NALF1: variants seen among roughly 807,000 people sequenced by gnomAD.
The protein encoded by NALF1 is family with sequence similarity 155 member A.
NALF1 carries 3 observed loss-of-function variants against 48.4 expected under a neutral mutation model. The ratio of observed to expected loss-of-function variants is 0.06; its 90% CI spans 0.03 to 0.16. The LOEUF is 0.16. Among genes scored for constraint, NALF1 ranks in the 10% least tolerant of loss-of-function variants. NALF1 has a pLI of 1.00. For missense variants in NALF1, 526 were observed against 571.5 expected (o/e 0.92, Z 0.81); for synonymous variants, 262 against 245.7 (o/e 1.07, Z -0.62).
chr13:107,175,749 G>C (rs762080738), intron 2 of NALF1, among the ~76,000 whole-genome samples: 18 of 152,150 alleles, frequency 1.2e-4, no homozygotes, highest in Non-Finnish European at 2.6e-4. Flanking sequence ...GGACCTGGGG[G>C]CACAGACTCC....
chr13:107,291,962 TA>T, intron 1 of NALF1, among the ~76,000 whole-genome samples: 1 of 152,316 alleles, frequency 6.6e-6, no homozygotes, highest in Admixed American at 6.5e-5. Flanking sequence ...ATAAGTGACA[TA>T]AAATATCCTG....
intron 1 of NALF1, among the ~76,000 whole-genome samples, chr13:107,826,782 G>A (rs1453329081): frequency 6.6e-6 from 1 of 152,172 alleles, no homozygotes; most frequent in East Asian, 1.9e-4. Flanking sequence ...TCACTTCCTT[G>A]TTTACATGAC....
intron 1 of NALF1, among the ~76,000 whole-genome samples, chr13:107,593,247 C>A (rs903358623): frequency 1.3e-5 from 2 of 151,828 alleles, no homozygotes; most frequent in Non-Finnish European, 2.9e-5. Flanking sequence ...TCTAAAACAT[C>A]TTATTTTATG....
At chr13:107,401,212 G>C (rs930600294) in intron 1 of NALF1, among the ~76,000 whole-genome samples, 2 of 152,240 alleles carry the variant, frequency 1.3e-5, no homozygotes, top group Middle Eastern at 3.4e-3. Context: ...TTTGTCTAAT[G>C]TGTTCTCACT....
chr13:107,523,115 A>T lies in NALF1; in HGVS notation c.916-312360T>A, dbSNP rs184870217. ...GGAGATGGATGTCAGAGGATTAAGG[A>T]GAAGAACTAATGAGGTCATTCTGAA... is the stretch of plus-strand genomic sequence containing the variant. On this transcript the variant is annotated intron_variant, in intron 1 of 2. Transcript: ENST00000375915. 3.9e-4 allele frequency among the ~76,000 whole-genome samples: 59 copies of T among 152,240 alleles called. 1 individual carries two copies. The highest frequency in any genetic ancestry group is 1.1e-3 in the African/African-American group (47 of 41,534).
chr13:107,634,635 G>A (rs577706584), intron 1 of NALF1, among the ~76,000 whole-genome samples: 6 of 152,072 alleles, frequency 3.9e-5, no homozygotes, highest in Non-Finnish European at 7.4e-5. Flanking sequence ...AATGGGAAAT[G>A]ATATGAAAAC....
chr13:107,504,770 C>A (rs1219008767), intron 1 of NALF1, among the ~76,000 whole-genome samples: 1 of 152,182 alleles, frequency 6.6e-6, no homozygotes, highest in Admixed American at 6.5e-5. Context: ...GCCATCATTG[C>A]ATCTGCTGCC....
At chr13:107,523,505 A>G (rs1423037384) in intron 1 of NALF1, among the ~76,000 whole-genome samples, 1 of 147,402 alleles carries the variant, frequency 6.8e-6, no homozygotes, top group Non-Finnish European at 1.5e-5. Flanking sequence ...TATATCTCCT[A>G]ATGCTATCCT....
chr13:107,555,514 C>A (rs539140613), intron 1 of NALF1, among the ~76,000 whole-genome samples: 4 of 133,386 alleles, frequency 3.0e-5, no homozygotes, highest in Admixed American at 2.7e-4. Context: ...AGGCTGGTCT[C>A]AAACTCCTGA....
In NALF1 at chr13:107,787,630, G is replaced by A. The variant is rs372260074; in HGVS notation, c.915+78052C>T. ...GCTACCTGACTCTTGCTACATTCCC[G>A]TAACTAGTATATCATTTATTCTAGT... On this transcript the variant is annotated intron_variant, in intron 1 of 2. Transcript: ENST00000375915. Among the ~76,000 whole-genome samples, 25 of 152,236 alleles carry A rather than the reference G, an allele frequency of 1.6e-4. No individual in the cohort carries two copies. The East Asian group carries it at 2.1e-3, about 13-fold the overall frequency.
chr13:107,411,871 A>T (rs2139001105), intron 1 of NALF1, among the ~76,000 whole-genome samples: 1 of 152,218 alleles, frequency 6.6e-6, no homozygotes, highest in Middle Eastern at 3.4e-3. Flanking sequence ...GACAGCTTGG[A>T]TGGATGTCAA....
At chr13:107,329,043 G>A (rs1229532640) in intron 1 of NALF1, among the ~76,000 whole-genome samples, 1 of 152,142 alleles carries the variant, frequency 6.6e-6, no homozygotes, top group Non-Finnish European at 1.5e-5. Context: ...GAGGTACAGT[G>A]TTTCACCAGT....
intron 1 of NALF1, among the ~76,000 whole-genome samples, chr13:107,388,086 T>C (rs1402976950): frequency 6.6e-6 from 1 of 152,200 alleles, no homozygotes; most frequent in Admixed American, 6.5e-5. Context: ...AAAGTGGCTT[T>C]TAGCAATAAA....
chr13:107,299,935 C>A (rs1881807386), intron 1 of NALF1, among the ~76,000 whole-genome samples: 1 of 152,142 alleles, frequency 6.6e-6, no homozygotes, highest in African/African-American at 2.4e-5. Context: ...ATTTTCCTTG[C>A]CCCGACCTGA....
chr13:107,625,131 T>C (rs1879633049), intron 1 of NALF1, among the ~76,000 whole-genome samples: 1 of 152,132 alleles, frequency 6.6e-6, no homozygotes, highest in Non-Finnish European at 1.5e-5. Flanking sequence ...CCACTTTTTC[T>C]TGCCTTTAAA....
At chr13:107,373,594 A>C (rs1883285307) in intron 1 of NALF1, among the ~76,000 whole-genome samples, 1 of 152,150 alleles carries the variant, frequency 6.6e-6, no homozygotes, top group Admixed American at 6.5e-5. Flanking sequence ...CTGAATAAAA[A>C]GGGCTCTACA....
intron 1 of NALF1, among the ~76,000 whole-genome samples, chr13:107,701,620 A>G (rs184836573): frequency 2.4e-4 from 37 of 152,290 alleles, no homozygotes; most frequent in Non-Finnish European, 2.9e-4. Context: ...CAAAAAACAC[A>G]AAGTAGCAGA....
intron 1 of NALF1, among the ~76,000 whole-genome samples, chr13:107,518,486 T>C (rs1594106210): frequency 6.6e-6 from 1 of 152,114 alleles, no homozygotes; most frequent in African/African-American, 2.4e-5. Flanking sequence ...GAGATAAATA[T>C]TGTTTTTCAC....
chr13:107,318,370 T>C (rs1882190470), intron 1 of NALF1, among the ~76,000 whole-genome samples: 1 of 152,150 alleles, frequency 6.6e-6, no homozygotes, highest in Admixed American at 6.6e-5. Context: ...CATGGCTCTT[T>C]AAGTTACTGA....
Sources: allele counts gnomAD v4.1 joint callset (sites outside exome capture counted in the v4.1 genomes callset), GRCh38; gene constraint gnomAD v4.1.1; transcripts MANE v1.5; gene names NCBI Gene and HGNC (gene_info 2026-07-23, HGNC 2026-07-21).